Variants in SLC22A25 observed in about 807,000 individuals in gnomAD.
SLC22A25 encodes the protein MGI:2442751, MGI:2385316, MGI:3042283, MGI:3645714, MGI:3605624, MGI:2442750.
In SLC22A25, 44 loss-of-function variants were observed where a neutral mutation model predicts 45.9. The observed-to-expected ratio is 0.96, with a 90% CI of 0.75 to 1.23. SLC22A25 has a LOEUF of 1.23. SLC22A25 is among the 50% of genes most tolerant of loss of function. SLC22A25 has a pLI of 0.00. For missense variants in SLC22A25, 800 were observed against 666.4 expected (o/e 1.20, Z -2.21); for synonymous variants, 283 against 238.6 (o/e 1.19, Z -1.72).
intron 1 of SLC22A25, among the ~76,000 whole-genome samples, chr11:63,240,757 C>A (rs1294498305): frequency 6.6e-6 from 1 of 152,200 alleles, no homozygotes; most frequent in Non-Finnish European, 1.5e-5. Flanking sequence ...TTTCCATCTT[C>A]ACATCTTGTC....
intron 5 of SLC22A25, among the ~76,000 whole-genome samples, chr11:63,223,333 C>A (rs12574223): frequency 0.37 from 55,636 of 151,732 alleles, 10,502 homozygotes; most frequent in East Asian, 0.56. Flanking sequence ...TTTTGGATTT[C>A]TTTAGGGTTC....
intron 11 of SLC22A25, 138 bp from the exon 12 acceptor site, chr11:63,164,211 C>T (rs1239915064): frequency 1.7e-6 from 2 of 1,199,360 alleles, no homozygotes; most frequent in Non-Finnish European, 2.3e-6. Flanking sequence ...GAAATTTTCT[C>T]TTATTTGCTA....
intron 7 of SLC22A25, among the ~76,000 whole-genome samples, chr11:63,209,459 T>C (rs2089498928): frequency 6.6e-6 from 1 of 152,084 alleles, no homozygotes; most frequent in Non-Finnish European, 1.5e-5. Flanking sequence ...CAGGAGCATC[T>C]GGAGAGTCAG....
intron 9 of SLC22A25, among the ~76,000 whole-genome samples, chr11:63,169,058 A>G (rs11231390): frequency 0.11 from 16,390 of 152,194 alleles, 1,211 homozygotes; most frequent in Middle Eastern, 0.19. Flanking sequence ...AATTTCATAT[A>G]CAGCCAAACT....
chr11:63,185,897 T>C (rs1381194533), intron 7 of SLC22A25, among the ~76,000 whole-genome samples: 1 of 150,642 alleles, frequency 6.6e-6, no homozygotes, highest in Non-Finnish European at 1.5e-5. Flanking sequence ...GGCTGCATAG[T>C]ATTCCATGGT....
At chr11:63,223,827 T>C (rs2089903321) in intron 5 of SLC22A25, among the ~76,000 whole-genome samples, 1 of 152,122 alleles carries the variant, frequency 6.6e-6, no homozygotes, top group Non-Finnish European at 1.5e-5. Context: ...CCATTATCAT[T>C]TGTTTCAATA....
In SLC22A25 at chr11:63,243,445, C is replaced by G. The variant is rs1034122275; in HGVS notation, c.-1007G>C. The G allele has an allele frequency of 2.6e-6, 2 of 754,764 alleles. No homozygotes were observed. The highest frequency in any genetic ancestry group is 3.5e-5 in the Admixed American group (2 of 57,784). The allele number at this position is 754,764 out of a possible 1,614,324, so 46.8% of individuals were successfully genotyped here. On this transcript the variant is annotated 5_prime_UTR_variant, in exon 1 of 12. Transcript: ENST00000306494. ...TGGCCACGATTTACCTGGACTGTTT[C>G]TTCGCCAGGATCCCAACTTCAAAGT... is the stretch of plus-strand genomic sequence containing the variant.
At chr11:63,213,098 T>A (rs1302581006) in intron 7 of SLC22A25, among the ~76,000 whole-genome samples, 1 of 152,186 alleles carries the variant, frequency 6.6e-6, no homozygotes, top group Non-Finnish European at 1.5e-5. Context: ...GGAGGCTGTA[T>A]GTGCATTGCC....
At chr11:63,190,229 A>G (rs1389051491) in intron 7 of SLC22A25, among the ~76,000 whole-genome samples, 1 of 152,064 alleles carries the variant, frequency 6.6e-6, no homozygotes, top group Non-Finnish European at 1.5e-5. Context: ...TATTTCCTGG[A>G]GGCTTTTCTT....
intron 7 of SLC22A25, among the ~76,000 whole-genome samples, chr11:63,207,378 A>C (rs2089435526): frequency 6.6e-6 from 1 of 152,202 alleles, no homozygotes; most frequent in African/African-American, 2.4e-5. Context: ...CATCTGGCAA[A>C]GGGCTAATAT....
intron 3 of SLC22A25, among the ~76,000 whole-genome samples, chr11:63,237,054 AT>A (rs1483432047): frequency 6.6e-6 from 1 of 152,200 alleles, no homozygotes; most frequent in Admixed American, 6.5e-5. Context: ...TTGAAATTTA[AT>A]TGCTATTGTG....
intron 10 of SLC22A25, 49 bp from the exon 11 acceptor site, chr11:63,164,683 T>A: frequency 7.0e-7 from 1 of 1,438,502 alleles, no homozygotes; most frequent in Non-Finnish European, 9.8e-7. Context: ...GCTGAAGGAA[T>A]CAGCATCTCC....
intron 7 of SLC22A25, 22 bp from the exon 8 acceptor site, chr11:63,183,839 G>A: frequency 6.2e-7 from 1 of 1,612,350 alleles, no homozygotes; most frequent in East Asian, 2.2e-5. Context: ...AGAGGACAGA[G>A]GTGCAGCCAA....
chr11:63,164,125 ATT>A lies in SLC22A25; in HGVS notation c.1395-54_1395-53del, dbSNP rs996615381. 11 of 1,522,672 alleles carry A rather than the reference ATT, an allele frequency of 7.2e-6. No homozygotes were observed. The African/African-American group carries it at 1.4e-4, about 19-fold the overall frequency. 94.3% of individuals were successfully genotyped at this position (1,522,672 alleles called of 1,614,324 possible). On this transcript the variant is annotated intron_variant, in intron 11 of 11. Transcript: ENST00000306494. ...AAAGTTGTTAAAAATCATACATATAATTTGTGATTTATCATTTTGCTGTGATT... is the reference window on the plus strand; with the variant it reads ...AAAGTTGTTAAAAATCATACATATAATGTGATTTATCATTTTGCTGTGATT...
chr11:63,208,460 G>T (rs1290111029), intron 7 of SLC22A25, among the ~76,000 whole-genome samples: 2 of 152,212 alleles, frequency 1.3e-5, no homozygotes, highest in Admixed American at 6.6e-5. Flanking sequence ...TGGTTCATTG[G>T]ATCTGGAGAC....
At chr11:63,187,052 T>C (rs536524692) in intron 7 of SLC22A25, among the ~76,000 whole-genome samples, 1 of 152,196 alleles carries the variant, frequency 6.6e-6, no homozygotes, top group East Asian at 1.9e-4. Flanking sequence ...CCATATGAAC[T>C]TTAAAGTAGT....
chr11:63,159,488 T>C lies in SLC22A25; in HGVS notation c.*4336A>G, dbSNP rs747022167. On this transcript the variant is annotated 3_prime_UTR_variant, in exon 12 of 12. Coordinates refer to ENST00000306494, the MANE Select transcript of SLC22A25 (RefSeq NM_199352.6). ...AGAAATTCTCTTTTCCCTGCTGCCA[T>C]GTAAGTTGTGCCTTTCACCTTCTGC... is the stretch of plus-strand genomic sequence containing the variant. Among the ~76,000 whole-genome samples, 1 of 152,206 alleles carries C rather than the reference T, an allele frequency of 6.6e-6. No homozygotes were observed. The highest frequency in any genetic ancestry group is 2.4e-5 in the African/African-American group (1 of 41,450).
intron 3 of SLC22A25, among the ~76,000 whole-genome samples, chr11:63,232,525 G>A (rs1214430144): frequency 6.6e-6 from 1 of 152,168 alleles, no homozygotes; most frequent in Non-Finnish European, 1.5e-5. Context: ...AGCTTAAGGA[G>A]ATTTTGGGCT....
rs5792280 is a variant in SLC22A25, at chr11:63,175,825, G to GTATATATATATA, written c.1070+4823_1070+4834dup. 7.7e-4 allele frequency among the ~76,000 whole-genome samples: 116 copies of GTATATATATATA among 150,328 alleles called. 2 individuals carry two copies. Among genetic ancestry groups the GTATATATATATA allele is most frequent in the African/African-American group, 2.6e-3 (105 of 40,844 alleles). On this transcript the variant is annotated intron_variant, in intron 9 of 11. Transcript: ENST00000306494. ...TCATTTAATAAAGAAAATTGGGTGT[G>GTATATATATATA]TATATATATATATACACATTTTAAT...
Sources: allele counts gnomAD v4.1 joint callset (sites outside exome capture counted in the v4.1 genomes callset), GRCh38; gene constraint gnomAD v4.1.1; transcripts MANE v1.5; gene names NCBI Gene and HGNC (gene_info 2026-07-23, HGNC 2026-07-21).